Variants in DRICH1 observed in about 807,000 individuals in gnomAD.
DRICH1 encodes aspartate-rich protein 1.
A neutral mutation model predicts 39.5 loss-of-function variants in DRICH1; 38 were observed. That is an observed-to-expected ratio of 0.96 (90% CI 0.74 to 1.26). DRICH1 has a LOEUF of 1.26. Ranked by LOEUF, DRICH1 falls within the 50% of genes most tolerant of loss-of-function variation. The pLI is 0.00. For missense variants in DRICH1, 279 were observed against 270.4 expected, an observed-to-expected ratio of 1.03 and a Z score of -0.22; for synonymous variants, 84 against 99.5, an observed-to-expected ratio of 0.84 and a Z score of 0.93.
At chr22:23,612,545 T>C (rs527367067) in intron 11 of DRICH1, among the ~76,000 whole-genome samples, 1 of 148,040 alleles carries the variant, frequency 6.8e-6, no homozygotes, top group Non-Finnish European at 1.5e-5. Context: ...CAAAGCCAAA[T>C]TTTTGAAGAC....
At chr22:23,607,041 G>C (rs1926770617), downstream of DRICH1, 4 of 152,874 alleles carry the variant, frequency 2.6e-5, no homozygotes, top group Admixed American at 2.6e-4. Context: ...CTGTTGTGCA[G>C]GGGCCCACGA....
rs199836567 is a variant in DRICH1 at position 23,619,410 on chromosome 22, A to G, written c.407-17T>C. The G allele has an allele frequency of 2.8e-3, 2,182 of 780,134 alleles. 7 individuals carry two copies. The highest frequency in any genetic ancestry group is 4.2e-3 in the Non-Finnish European group (1,774 of 417,532). The allele number at this position is 780,134 out of a possible 1,614,324, so 48.3% of individuals were successfully genotyped here. A position where few individuals can be genotyped will look rare whatever the true frequency, so the allele number is the denominator to read the frequency against. ...AACAGCCACCTGCGGAGAAATGGAA[A>G]AGTTAATCTAAGACTTTAAGGAATC... On this transcript the variant is annotated splice_polypyrimidine_tract_variant and intron_variant, in intron 5 of 11. Transcript: ENST00000317749.
At chr22:23,606,061 ATTTTT>A (rs964462828), downstream of DRICH1, among the ~76,000 whole-genome samples, 1 of 146,732 alleles carries the variant, frequency 6.8e-6, no homozygotes, top group African/African-American at 2.5e-5. Flanking sequence ...AAAAAAAAAA[ATTTTT>A]TTTTTTGAGT....
intron 6 of DRICH1, among the ~76,000 whole-genome samples, chr22:23,618,767 C>T (rs868826304): frequency 6.6e-6 from 1 of 152,098 alleles, no homozygotes; most frequent in Non-Finnish European, 1.5e-5. Flanking sequence ...TAGAAATGAA[C>T]AAATTCATGA....
At position 23,619,360 on chromosome 22, in the gene DRICH1, T is replaced by C; in HGVS notation, c.436+4A>G. 4 of 780,710 alleles carry C rather than the reference T, an allele frequency of 5.1e-6. No homozygotes were observed. Among genetic ancestry groups the C allele is most frequent in the Non-Finnish European group, 9.6e-6 (4 of 417,950 alleles). The allele number at this position is 780,710 out of a possible 1,614,324, so 48.4% of individuals were successfully genotyped here. A position where few individuals can be genotyped will look rare whatever the true frequency, so the allele number is the denominator to read the frequency against. On this transcript the variant is annotated splice_donor_region_variant and intron_variant, in intron 6 of 11. Coordinates refer to ENST00000317749, the MANE Select transcript of DRICH1 (RefSeq NM_016449.4). ...AATACTACACACATGATCTACAGAC[T>C]CACAAGAACTGCTATCAAACCGGTA... is the stretch of plus-strand genomic sequence containing the variant.
chr22:23,624,208 G>A lies in DRICH1; in HGVS notation c.298+675C>T, dbSNP rs186861125. On this transcript the variant is annotated intron_variant, in intron 3 of 11. Transcript: ENST00000317749. ...CCTATGCATCTGGCACACCGCAGAA[G>A]AATTCTGTCTCCAGGAGTGAGTAAC... 18 of 985,404 alleles carry A rather than the reference G, an allele frequency of 1.8e-5. 1 individual carries two copies. In the African/African-American group the frequency reaches 2.6e-4, roughly 14 times the overall value. The allele number at this position is 985,404 out of a possible 1,614,324, so 61.0% of individuals were successfully genotyped here. A position where few individuals can be genotyped will look rare whatever the true frequency, so the allele number is the denominator to read the frequency against.
At chr22:23,629,244 G>A (rs1928252186) in intron 1 of DRICH1, among the ~76,000 whole-genome samples, 2 of 152,168 alleles carry the variant, frequency 1.3e-5, no homozygotes, top group Admixed American at 1.3e-4. Flanking sequence ...TCGCCAGGTT[G>A]GCCAGGCTGG....
intron 1 of DRICH1, among the ~76,000 whole-genome samples, chr22:23,627,743 CAGG>C (rs953813129): frequency 6.6e-5 from 10 of 152,306 alleles, no homozygotes; most frequent in African/African-American, 2.4e-4. Context: ...TCACTGTCCT[CAGG>C]AGCTCAACTT....
the DRICH1 span, chr22:23,581,382 GGGC>G: frequency 2.0e-4 from 31 of 152,358 alleles, no homozygotes; most frequent in Admixed American, 1.0e-3. Context: ...CACCTGTGCT[GGGC>G]GGCCAGGGCC....
intron 3 of DRICH1, chr22:23,623,779 T>A: frequency 4.5e-6 from 1 of 221,084 alleles, no homozygotes; most frequent in Non-Finnish European, 7.6e-6. Flanking sequence ...AGCATGCTTC[T>A]AGCTTGGGGG....
At chr22:23,594,386 C>A in the DRICH1 span, among the ~76,000 whole-genome samples, 1 of 152,054 alleles carries the variant, frequency 6.6e-6, no homozygotes, top group Non-Finnish European at 1.5e-5. Context: ...CTGGTCAACA[C>A]GGCAAAACCC....
the DRICH1 span, among the ~76,000 whole-genome samples, chr22:23,595,571 G>A: frequency 1.1e-3 from 160 of 152,154 alleles, no homozygotes; most frequent in African/African-American, 2.3e-3. Context: ...CTAAAATTAA[G>A]TAAACACATT....
At chr22:23,632,675 A>AG (rs139174889), upstream of DRICH1, 18,324 of 139,518 alleles carry the variant, frequency 0.13, 1,354 homozygotes, top group Non-Finnish European at 0.18. Context: ...TGGGAGGCTG[A>AG]GCGGGGGGGG....
chr22:23,622,283 G>GGA (rs1927792082), intron 3 of DRICH1, 107 bp from the exon 4 acceptor site: 1 of 975,460 alleles, frequency 1.0e-6, no homozygotes, highest in Admixed American at 1.7e-5. Flanking sequence ...TAACAAGCAT[G>GGA]GACTGAGTTA....
At chr22:23,595,460 C>T in the DRICH1 span, among the ~76,000 whole-genome samples, 8 of 151,524 alleles carry the variant, frequency 5.3e-5, no homozygotes, top group Non-Finnish European at 1.2e-4. Flanking sequence ...GAACAGGTCA[C>T]TCAGAGTCAC....
Position 23,626,013 on chromosome 22 carries a change from G to A in DRICH1, c.244C>T (p.Pro82Ser). 6.2e-7 allele frequency: 1 copy of A among 1,613,290 alleles called. No individual in the cohort carries two copies. The highest frequency in any genetic ancestry group is 2.2e-5 in the East Asian group (1 of 44,854). ...PEDRLSLKFLPSSEEDNDDAK... is the reference protein window; with the variant it reads ...PEDRLSLKFLSSSEEDNDDAK... The stretch of plus-strand genomic sequence containing the variant: ...TCATCATTGTCTTCCTCACTTGATG[G>A]CAGAAATTTTAAACTCAGGCGGTCC... The change falls in exon 2 of 12, where the codon CCA (proline) becomes TCA (serine). Residue 82 changes from proline (P) to serine (S), a missense_variant. Pro to Ser is a moderately conservative substitution (Grantham distance 74). Coordinates refer to ENST00000317749, the MANE Select transcript of DRICH1 (RefSeq NM_016449.4).
chr22:23,608,985 A>G (rs114138650), intron 11 of DRICH1, among the ~76,000 whole-genome samples: 9,462 of 152,196 alleles, frequency 0.062, 960 homozygotes, highest in African/African-American at 0.21. Flanking sequence ...GTTGGGACCT[A>G]GAAGTCCTGA....
In DRICH1 at chr22:23,622,127, A is replaced by G. The variant is rs1927778364; in HGVS notation, c.348T>C (p.Asp116=). 6.2e-7 allele frequency: 1 copy of G among 1,613,876 alleles called. No homozygotes were observed. Residue 116 remains aspartate, a synonymous_variant, in exon 4 of 12, where the codon GAT becomes GAC. Coordinates refer to ENST00000317749, the MANE Select transcript of DRICH1 (RefSeq NM_016449.4). ...CATCATCATCATCATCACAGTCATC[A>G]TCTTCACTTCGTGGTAGGCATACTA... The part of the protein sequence containing the change: ...LSLVCLPRSE[D]DDCDDDDDDD...
chr22:23,621,716 C>G (rs1927747643), intron 4 of DRICH1, among the ~76,000 whole-genome samples: 1 of 152,112 alleles, frequency 6.6e-6, no homozygotes, highest in South Asian at 2.1e-4. Flanking sequence ...GAGTTCGAGA[C>G]CAGCCTGGCC....
Sources: gnomAD v4.1 joint callset for allele counts (sites outside exome capture counted in the v4.1 genomes callset) on GRCh38, gnomAD v4.1.1 for gene constraint, MANE v1.5 for transcripts, NCBI Gene and HGNC (gene_info 2026-07-23, HGNC 2026-07-21) for gene names.